The following ROBO2 variants were observed in gnomAD, a reference collection of about 807,000 sequenced individuals.
The protein encoded by ROBO2 is roundabout guidance receptor 2.
ROBO2 carries 53 observed loss-of-function variants against 160.8 expected under a neutral mutation model. The observed-to-expected ratio is 0.33, with a 90% CI of 0.26 to 0.41. ROBO2 has a LOEUF of 0.41. Ranked by LOEUF, ROBO2 falls within the 10% of genes least tolerant of loss-of-function variation. The pLI, the probability that ROBO2 is intolerant of heterozygous loss-of-function variation, is 1.00. For missense variants in ROBO2, 1,577 were observed against 1,722.4 expected (o/e 0.92, Z 1.49); for synonymous variants, 664 against 611.7 (o/e 1.09, Z -1.26).
intron 2 of ROBO2, among the ~76,000 whole-genome samples, chr3:77,358,216 A>T (rs1305079100): frequency 6.6e-6 from 1 of 152,194 alleles, no homozygotes; most frequent in Non-Finnish European, 1.5e-5. Context: ...GACTCTAGGT[A>T]GACTCTTTCC....
intron 2 of ROBO2, among the ~76,000 whole-genome samples, chr3:76,593,370 T>C (rs2086542189): frequency 6.6e-6 from 1 of 152,030 alleles, no homozygotes; most frequent in South Asian, 2.1e-4. Context: ...AAAATGAGAC[T>C]ATCAGTTCAG....
chr3:77,376,516 T>C (rs1307811856), intron 2 of ROBO2, among the ~76,000 whole-genome samples: 1 of 152,126 alleles, frequency 6.6e-6, no homozygotes, highest in African/African-American at 2.4e-5. Flanking sequence ...GATTTTGCAT[T>C]ACAGTTAAAA....
chr3:76,017,894 A>G (rs538818081), intron 2 of ROBO2, among the ~76,000 whole-genome samples: 3 of 152,238 alleles, frequency 2.0e-5, no homozygotes, highest in Admixed American at 6.5e-5. Flanking sequence ...ATAGAAACTA[A>G]GAGGAAATTT....
chr3:76,790,399 C>T (rs1356627883), intron 2 of ROBO2, among the ~76,000 whole-genome samples: 2 of 151,736 alleles, frequency 1.3e-5, no homozygotes, highest in African/African-American at 2.4e-5. Flanking sequence ...CAGTTTCAAA[C>T]ATGACTGCAA....
chr3:77,644,650 G>A, intron 24 of ROBO2, 54 bp from the exon 27 acceptor site: 1 of 1,512,270 alleles, frequency 6.6e-7, no homozygotes, highest in Non-Finnish European at 9.2e-7. Flanking sequence ...GTTAAGTTTA[G>A]TTTGCCTCCA....
At chr3:76,139,504 T>G (rs2071551974) in intron 2 of ROBO2, among the ~76,000 whole-genome samples, 1 of 152,070 alleles carries the variant, frequency 6.6e-6, no homozygotes, top group Non-Finnish European at 1.5e-5. Context: ...TTTATCTTTG[T>G]ATCTTGAGCT....
chr3:76,284,116 T>A (rs1308306511), intron 2 of ROBO2, among the ~76,000 whole-genome samples: 1 of 152,034 alleles, frequency 6.6e-6, no homozygotes, highest in Non-Finnish European at 1.5e-5. Context: ...TTTTCACCTT[T>A]AAAAAATATA....
At chr3:77,037,724 A>C (rs959702213), upstream of ROBO2, among the ~76,000 whole-genome samples, 16 of 152,318 alleles carry the variant, frequency 1.1e-4, no homozygotes, top group Admixed American at 1.0e-3. Flanking sequence ...ACAGATGGTG[A>C]GTCTATCAAG....
chr3:76,143,192 A>ATTTATTACT (rs1257500593), intron 2 of ROBO2, among the ~76,000 whole-genome samples: 1 of 151,860 alleles, frequency 6.6e-6, no homozygotes, highest in African/African-American at 2.4e-5. Context: ...ATATTCAGAT[A>ATTTATTACT]TTTATTACTA....
intron 2 of ROBO2, among the ~76,000 whole-genome samples, chr3:76,464,077 T>C (rs1000664958): frequency 1.3e-5 from 2 of 152,166 alleles, no homozygotes; most frequent in African/African-American, 4.8e-5. Flanking sequence ...CTTGTTCTCC[T>C]TTCAAACGCA....
intron 2 of ROBO2, among the ~76,000 whole-genome samples, chr3:76,503,041 T>C (rs1188671549): frequency 6.6e-6 from 1 of 151,748 alleles, no homozygotes; most frequent in East Asian, 1.9e-4. Flanking sequence ...CATGTGTGTG[T>C]GCAAAGGGGA....
At chr3:76,476,898 A>G (rs2078960724) in intron 2 of ROBO2, among the ~76,000 whole-genome samples, 1 of 152,214 alleles carries the variant, frequency 6.6e-6, no homozygotes, top group Non-Finnish European at 1.5e-5. Context: ...AGTGACATCT[A>G]TCAGAGGTAA....
intron 2 of ROBO2, among the ~76,000 whole-genome samples, chr3:77,434,396 C>T (rs999443988): frequency 1.3e-5 from 2 of 152,074 alleles, no homozygotes; most frequent in African/African-American, 4.8e-5. Context: ...GTCAGCCTCA[C>T]CAGAATGGAA....
chr3:76,936,173 C>T (rs2149083255), intron 2 of ROBO2, among the ~76,000 whole-genome samples: 1 of 151,662 alleles, frequency 6.6e-6, no homozygotes, highest in South Asian at 2.1e-4. Context: ...AAGCTATAGA[C>T]ATGAAAAACA....
chr3:77,448,995 TG>T (rs981761871), intron 2 of ROBO2, among the ~76,000 whole-genome samples: 1 of 152,154 alleles, frequency 6.6e-6, no homozygotes, highest in Non-Finnish European at 1.5e-5. Context: ...ATGTAAAAAT[TG>T]TTTATAAAAG....
chr3:76,317,833 T>A (rs2072170527), intron 2 of ROBO2, among the ~76,000 whole-genome samples: 2 of 152,036 alleles, frequency 1.3e-5, no homozygotes, highest in African/African-American at 4.8e-5. Flanking sequence ...AAATAGCATT[T>A]AATAAATTCA....
chr3:75,935,278 C>A (rs78860654), intron 1 of ROBO2, among the ~76,000 whole-genome samples: 114 of 152,084 alleles, frequency 7.5e-4, no homozygotes, highest in African/African-American at 2.5e-3. Flanking sequence ...TCATTGCTTT[C>A]GGAAGTCTAG....
intron 2 of ROBO2, among the ~76,000 whole-genome samples, chr3:77,103,270 G>C (rs1560015033): frequency 6.6e-6 from 1 of 152,166 alleles, no homozygotes; most frequent in Non-Finnish European, 1.5e-5. Context: ...AAAAATTGAT[G>C]AAGTCCCCAG....
intron 2 of ROBO2, among the ~76,000 whole-genome samples, chr3:77,232,626 G>A (rs961931422): frequency 1.3e-5 from 2 of 152,130 alleles, no homozygotes; most frequent in Admixed American, 6.5e-5. Flanking sequence ...AGGATTGAGG[G>A]AGGCATTACC....
Sources: allele counts gnomAD v4.1 joint callset (sites outside exome capture counted in the v4.1 genomes callset), GRCh38; gene constraint gnomAD v4.1.1; transcripts MANE v1.5; gene names NCBI Gene and HGNC (gene_info 2026-07-23, HGNC 2026-07-21).